Variants in ZNF717 observed in about 807,000 individuals in gnomAD.
ZNF717 encodes the protein krueppel-like factor X17.
In ZNF717, 9 loss-of-function variants were observed where a neutral mutation model predicts 13.8. The observed-to-expected ratio is 0.65, with a 90% confidence interval of 0.39 to 1.14. The LOEUF is 1.14. Ranked by LOEUF, ZNF717 falls within the 50% of genes most tolerant of loss-of-function variation. The probability of loss-of-function intolerance (pLI) is 0.01; values close to 1 mark genes in which losing one functional copy is unlikely to be tolerated. For missense variants in ZNF717, 1,040 were observed against 1,080.7 expected (o/e 0.96, Z 0.53); for synonymous variants, 327 against 364.1 (o/e 0.90, Z 1.16).
chr3:75,717,125 G>A (rs1481781833), intron 4 of ZNF717, among the ~76,000 whole-genome samples: 1 of 149,464 alleles, frequency 6.7e-6, no homozygotes, highest in African/African-American at 2.5e-5. Context: ...GGCTTTTTTT[G>A]CTAAATACAA....
At chr3:75,735,103 GC>G (rs1158713551), downstream of ZNF717, among the ~76,000 whole-genome samples, 1 of 152,174 alleles carries the variant, frequency 6.6e-6, no homozygotes, top group African/African-American at 2.4e-5. Flanking sequence ...GGGATTACAG[GC>G]TTGAGCCAAG....
rs76095126 is a variant in ZNF717 at position 75,781,081 on chromosome 3, G to C, written c.57+2225C>G. On this transcript the variant is annotated intron_variant, in intron 2 of 4. Transcript: ENST00000652011. ...TAACCAAAGGGAAGGAATTGTTAAA[G>C]TGAACTAAGTATGGCCTGAGAAGGA... Among the ~76,000 whole-genome samples, 1,449 of 148,818 alleles carry C rather than the reference G, an allele frequency of 9.7e-3. 18 individuals carry two copies. The highest frequency in any genetic ancestry group is 0.034 in the African/African-American group (1,365 of 40,534).
At chr3:75,750,621 C>T (rs76092576) in intron 2 of ZNF717, among the ~76,000 whole-genome samples, 1 of 151,778 alleles carries the variant, frequency 6.6e-6, no homozygotes, top group South Asian at 2.1e-4. Context: ...GATTCCAGAA[C>T]ACTGCTGCTG....
chr3:75,728,789 G>C (rs1377533077), downstream of ZNF717, among the ~76,000 whole-genome samples: 3 of 152,322 alleles, frequency 2.0e-5, no homozygotes, highest in East Asian at 5.8e-4. Context: ...ACCCAGTCTT[G>C]AGTATTTCTT....
chr3:75,765,031 GTATA>G (rs1164959906), intron 2 of ZNF717, among the ~76,000 whole-genome samples: 2,123 of 60,988 alleles, frequency 0.035, 20 homozygotes, highest in African/African-American at 0.072. Flanking sequence ...ATATATATAT[GTATA>G]TGTGTGTGTG....
rs1470278234 is a variant in ZNF717 at position 75,746,691 on chromosome 3, T to C, written c.58-4955A>G. Among the ~76,000 whole-genome samples the C allele has an allele frequency of 3.9e-5, 6 of 152,318 alleles. No homozygotes were observed. In the East Asian group the frequency reaches 7.7e-4, roughly 20 times the overall value. On this transcript the variant is annotated intron_variant, in intron 2 of 4. Coordinates refer to ENST00000652011, the MANE Select transcript of ZNF717 (RefSeq NM_001290208.3). ...TGCATAAATGACTTCTTTTGAGAAG[T>C]GTCTGTTCATATCCTTCGCCCACTT...
downstream of ZNF717, among the ~76,000 whole-genome samples, chr3:75,707,750 C>T (rs1333431200): frequency 6.6e-6 from 1 of 152,160 alleles, no homozygotes; most frequent in Non-Finnish European, 1.5e-5. Context: ...CACTCCCACC[C>T]TAATACTGCG....
At position 75,716,454 on chromosome 3, in the gene ZNF717, G is replaced by A. The variant is rs74899446; in HGVS notation, n.632C>T. Reference sequence around the variant, plus strand: ...AAAAAGTCTTTTATCATCTCTGGAGGGATGTGTCGTCCTTCATTAAGGTAG... The same window carrying A: ...AAAAAGTCTTTTATCATCTCTGGAGAGATGTGTCGTCCTTCATTAAGGTAG... On this transcript the variant is annotated non_coding_transcript_exon_variant, in exon 5 of 6. Coordinates refer to the ZNF717 transcript ENST00000491507. 9.2e-4 allele frequency: 140 copies of A among 152,226 alleles called. 2 individuals carry two copies. Among genetic ancestry groups the A allele is most frequent in the Middle Eastern group, 6.8e-3 (2 of 294 alleles). 9.4% of individuals were successfully genotyped at this position (152,226 alleles called of 1,614,324 possible). A position where few individuals can be genotyped will look rare whatever the true frequency, so the allele number is the denominator to read the frequency against.
rs373303634 is a variant in ZNF717, at chr3:75,783,438, A to G, written c.-2-74T>C. ...GTGGTCCCAGATTCTTCTGCCCAAC[A>G]CTCTAGACACATTACCTGGAAAAGC... On this transcript the variant is annotated intron_variant, in intron 1 of 4. Coordinates refer to ENST00000652011, the MANE Select transcript of ZNF717 (RefSeq NM_001290208.3). 7.9e-4 allele frequency: 926 copies of G among 1,169,236 alleles called. 7 individuals are homozygous for G. In the South Asian group the frequency reaches 8.2e-3, roughly 10 times the overall value. The allele number at this position is 1,169,236 out of a possible 1,614,324, so 72.4% of individuals were successfully genotyped here.
At chr3:75,697,459 C>T (rs1937615799) in intron 6 of ZNF717, among the ~76,000 whole-genome samples, 1 of 151,020 alleles carries the variant, frequency 6.6e-6, no homozygotes, top group East Asian at 1.9e-4. Context: ...TAAGTGAGTT[C>T]CTATAAGATC....
chr3:75,697,101 T>G (rs555692328), intron 6 of ZNF717, among the ~76,000 whole-genome samples: 667 of 146,656 alleles, frequency 4.5e-3, no homozygotes, highest in South Asian at 0.023. Context: ...CTAAAATCCT[T>G]TCCTCTAAAA....
intron 6 of ZNF717, among the ~76,000 whole-genome samples, chr3:75,699,557 C>G (rs1457253916): frequency 7.9e-5 from 12 of 152,272 alleles, no homozygotes; most frequent in African/African-American, 2.9e-4. Context: ...GCACCTCCCC[C>G]CTGCCCTCAC....
downstream of ZNF717, chr3:75,709,559 C>A (rs1465563593): frequency 6.6e-6 from 1 of 152,134 alleles, no homozygotes; most frequent in African/African-American, 2.4e-5. Context: ...TCCTTGGCTA[C>A]AAAAATCAAT....
Position 75,785,391 on chromosome 3 carries a change from T to C in ZNF717, c.-10A>G. The C allele has an allele frequency of 6.5e-6, 1 of 153,538 alleles. No individual in the cohort carries two copies. Among genetic ancestry groups the C allele is most frequent in the Non-Finnish European group, 1.4e-5 (1 of 69,048 alleles). 9.5% of individuals were successfully genotyped at this position (153,538 alleles called of 1,614,324 possible). A position where few individuals can be genotyped will look rare whatever the true frequency, so the allele number is the denominator to read the frequency against. On this transcript the variant is annotated 5_prime_UTR_variant, in exon 1 of 5. Transcript: ENST00000652011. ...AGGGTCCGCGGCCTGCACCTGCACT[T>C]CAGGCCCTGCCCGCCCGCGATGCGC...
chr3:75,781,131 T>C (rs1944785075), intron 2 of ZNF717, among the ~76,000 whole-genome samples: 1 of 152,360 alleles, frequency 6.6e-6, no homozygotes, highest in Non-Finnish European at 1.5e-5. Context: ...ATATGAGTCC[T>C]TGTGGATGAA....
At chr3:75,771,889 C>G (rs1196987536) in intron 2 of ZNF717, among the ~76,000 whole-genome samples, 2 of 152,270 alleles carry the variant, frequency 1.3e-5, no homozygotes, top group Non-Finnish European at 2.9e-5. Context: ...TCTCTCTGCT[C>G]CCAGAGCCCA....
Position 75,778,232 on chromosome 3 carries a change from T to TG in ZNF717, c.57+5073dup, listed in dbSNP as rs1215049321. ...GTGCTAAAACTGGAACCCAAAACAATGGAGCTGACGTGCTAAAACCGGAAC... is the reference window on the plus strand; with the variant it reads ...GTGCTAAAACTGGAACCCAAAACAATGGGAGCTGACGTGCTAAAACCGGAAC... On this transcript the variant is annotated intron_variant, in intron 2 of 4. Transcript: ENST00000652011. Among the ~76,000 whole-genome samples the TG allele has an allele frequency of 2.2e-4, 33 of 150,136 alleles. 1 individual carries two copies. Among genetic ancestry groups the TG allele is most frequent in the Non-Finnish European group, 3.8e-4 (26 of 67,692 alleles).
chr3:75,784,508 G>GA (rs1301313819), intron 1 of ZNF717, among the ~76,000 whole-genome samples: 2 of 152,138 alleles, frequency 1.3e-5, no homozygotes, highest in East Asian at 3.9e-4. Flanking sequence ...TCAAACGCTG[G>GA]AAACAACGAG....
chr3:75,751,295 G>C (rs1575833262), intron 2 of ZNF717, among the ~76,000 whole-genome samples: 1 of 151,090 alleles, frequency 6.6e-6, no homozygotes. Context: ...CAAGAACACT[G>C]CTGCTGGGGT....
Sources: allele counts gnomAD v4.1 joint callset (sites outside exome capture counted in the v4.1 genomes callset), GRCh38; gene constraint gnomAD v4.1.1; transcripts MANE v1.5; gene names NCBI Gene and HGNC (gene_info 2026-07-23, HGNC 2026-07-21).